The following LPP variants were observed in gnomAD, a reference collection of about 807,000 sequenced individuals.
LPP encodes the protein LIM domain containing preferred translocation partner in lipoma.
A neutral mutation model predicts 60.4 loss-of-function variants in LPP; 38 were observed. The ratio of observed to expected loss-of-function variants is 0.63; its 90% CI spans 0.49 to 0.83. The LOEUF (loss-of-function observed/expected upper bound fraction) is 0.83, where lower values mean the gene tolerates loss of function less well. LPP is among the 40% of genes least tolerant of loss of function. The pLI is 0.00. For synonymous variants in LPP, 328 were observed against 290.8 expected (o/e 1.13, Z -1.30); for missense variants, 902 against 783.6 (o/e 1.15, Z -1.80).
intron 7 of LPP, among the ~76,000 whole-genome samples, chr3:188,653,537 A>G (rs1486861510): frequency 6.6e-6 from 1 of 152,170 alleles, no homozygotes; most frequent in Non-Finnish European, 1.5e-5. Flanking sequence ...GACTGAAGTC[A>G]TCCATATATA....
At chr3:188,701,934 G>C (rs1180880462) in intron 7 of LPP, among the ~76,000 whole-genome samples, 1 of 124,908 alleles carries the variant, frequency 8.0e-6, no homozygotes, top group African/African-American at 2.9e-5. Context: ...TCCTAGTTCT[G>C]TTTTTTTCCC....
chr3:188,760,037 G>A, intron 8 of LPP, 76 bp from the exon 9 acceptor site: 12 of 1,333,366 alleles, frequency 9.0e-6, no homozygotes, highest in Admixed American at 1.8e-5. Flanking sequence ...TTATGAACCT[G>A]CTTTCTCCTC....
chr3:188,199,156 G>A (rs867394928), intron 1 of LPP, among the ~76,000 whole-genome samples: 1 of 152,190 alleles, frequency 6.6e-6, no homozygotes, highest in African/African-American at 2.4e-5. Context: ...CATGTGGCCT[G>A]GACTTCCTCA....
At chr3:188,852,163 C>CA (rs1358792880) in intron 9 of LPP, among the ~76,000 whole-genome samples, 3 of 151,972 alleles carry the variant, frequency 2.0e-5, no homozygotes, top group Non-Finnish European at 4.4e-5. Context: ...GACTCTGTCT[C>CA]AAAAAAGACA....
At chr3:188,282,367 AG>A (rs1294937182) in intron 2 of LPP, among the ~76,000 whole-genome samples, 1 of 152,132 alleles carries the variant, frequency 6.6e-6, no homozygotes, top group African/African-American at 2.4e-5. Context: ...GTCCAGCTTC[AG>A]GAGGCCATGG....
At chr3:188,320,023 C>T (rs1274025055) in intron 2 of LPP, among the ~76,000 whole-genome samples, 1 of 152,168 alleles carries the variant, frequency 6.6e-6, no homozygotes, top group South Asian at 2.1e-4. Context: ...CTGACTGATG[C>T]TTTCTCATGA....
At chr3:188,469,224 G>T (rs1428362354) in intron 4 of LPP, among the ~76,000 whole-genome samples, 2 of 152,080 alleles carry the variant, frequency 1.3e-5, no homozygotes, top group African/African-American at 4.8e-5. Flanking sequence ...CTATTGATCT[G>T]GGACTTAACC....
At chr3:188,589,670 C>T (rs534949888) in intron 6 of LPP, among the ~76,000 whole-genome samples, 17 of 152,192 alleles carry the variant, frequency 1.1e-4, no homozygotes, top group African/African-American at 3.9e-4. Context: ...TGAAAACTTG[C>T]GAGGCTCAAA....
At chr3:188,607,616 AT>A (rs1842783387) in intron 6 of LPP, among the ~76,000 whole-genome samples, 1 of 151,690 alleles carries the variant, frequency 6.6e-6, no homozygotes, top group Non-Finnish European at 1.5e-5. Flanking sequence ...GCTTCCAAGC[AT>A]TTATTTTTGG....
chr3:188,156,845 C>T (rs1042626698), intron 1 of LPP, among the ~76,000 whole-genome samples: 3 of 145,754 alleles, frequency 2.1e-5, no homozygotes, highest in South Asian at 2.1e-4. Context: ...TCCTCTGCTG[C>T]GCCCCACCCC....
intron 7 of LPP, among the ~76,000 whole-genome samples, chr3:188,657,281 T>TATA (rs10529848): frequency 7.0e-6 from 1 of 143,602 alleles, no homozygotes. Context: ...TATATATATA[T>TATA]TTCCAAAAGC....
At chr3:188,184,367 A>AG (rs1725953719) in intron 1 of LPP, among the ~76,000 whole-genome samples, 4 of 152,162 alleles carry the variant, frequency 2.6e-5, no homozygotes, top group Admixed American at 2.6e-4. Flanking sequence ...CCAGGAGGGA[A>AG]GGGAGAGCAT....
intron 7 of LPP, among the ~76,000 whole-genome samples, chr3:188,686,835 T>G (rs1271854929): frequency 6.6e-6 from 1 of 152,220 alleles, no homozygotes; most frequent in East Asian, 1.9e-4. Context: ...CCTGCATTTG[T>G]TATCTCAGTG....
chr3:188,235,417 T>C (rs1721540140), intron 2 of LPP, among the ~76,000 whole-genome samples: 1 of 152,162 alleles, frequency 6.6e-6, no homozygotes, highest in South Asian at 2.1e-4. Flanking sequence ...TTGATGCAGT[T>C]AGGTATTTTC....
chr3:188,549,868 A>G (rs1416769617), intron 6 of LPP, among the ~76,000 whole-genome samples: 2 of 152,138 alleles, frequency 1.3e-5, no homozygotes, highest in Non-Finnish European at 2.9e-5. Context: ...CAATTCTCGA[A>G]CCCTGTTCTG....
At chr3:188,661,169 A>G (rs1341585701) in intron 7 of LPP, among the ~76,000 whole-genome samples, 1 of 152,068 alleles carries the variant, frequency 6.6e-6, no homozygotes, top group African/African-American at 2.4e-5. Flanking sequence ...TGGCTTGGTA[A>G]CTCATTTCTT....
chr3:188,246,460 T>G (rs1483873737), intron 2 of LPP, among the ~76,000 whole-genome samples: 1 of 152,242 alleles, frequency 6.6e-6, no homozygotes, highest in Non-Finnish European at 1.5e-5. Flanking sequence ...GGGAATTCTT[T>G]CCTCTTCATA....
intron 1 of LPP, among the ~76,000 whole-genome samples, chr3:188,185,325 A>G (rs551263572): frequency 5.5e-4 from 83 of 152,172 alleles, no homozygotes; most frequent in African/African-American, 1.9e-3. Context: ...GAAGGAGAGA[A>G]TATCCACTGA....
chr3:188,518,286 C>T (rs1817954222), intron 5 of LPP, among the ~76,000 whole-genome samples: 1 of 152,180 alleles, frequency 6.6e-6, no homozygotes, highest in East Asian at 1.9e-4. Context: ...ATAAACATTA[C>T]TGACCATAAT....
Sources: gnomAD v4.1 joint callset for allele counts (sites outside exome capture counted in the v4.1 genomes callset) on GRCh38, gnomAD v4.1.1 for gene constraint, MANE v1.5 for transcripts, NCBI Gene and HGNC (gene_info 2026-07-23, HGNC 2026-07-21) for gene names.